MLLT10: variants seen among roughly 807,000 people sequenced by gnomAD.
MLLT10 encodes protein AF-10.
In MLLT10, 30 loss-of-function variants were observed where a neutral mutation model predicts 129.1. The observed-to-expected ratio is 0.23, with a 90% CI of 0.17 to 0.32. The LOEUF (loss-of-function observed/expected upper bound fraction) is 0.32. Among genes scored for constraint, MLLT10 ranks in the 10% least tolerant of loss-of-function variants. The probability of loss-of-function intolerance (pLI) is 1.00; values close to 1 mark genes in which losing one functional copy is unlikely to be tolerated. For missense variants in MLLT10, 1,119 were observed against 1,268.3 expected (o/e 0.88, Z 1.79); for synonymous variants, 490 against 446.4 (o/e 1.10, Z -1.23).
At chr10:21,580,389 A>AT (rs113206788) in intron 3 of MLLT10, among the ~76,000 whole-genome samples, 39,381 of 129,604 alleles carry the variant, frequency 0.3, 6,040 homozygotes, top group Middle Eastern at 0.5. Context: ...TATTTTGTGT[A>AT]TTTTTTTTTT....
At chr10:21,612,231 TTTGAG>T in intron 5 of MLLT10, 112 bp from the exon 6 acceptor site, 2 of 547,354 alleles carry the variant, frequency 3.7e-6, no homozygotes, top group Non-Finnish European at 6.4e-6. Context: ...GAATTCATAT[TTTGAG>T]TTAAGATAGG....
At chr10:21,546,986 G>A (rs2036189693) in intron 3 of MLLT10, among the ~76,000 whole-genome samples, 1 of 151,988 alleles carries the variant, frequency 6.6e-6, no homozygotes, top group Non-Finnish European at 1.5e-5. Flanking sequence ...GCGTCCCAAA[G>A]TCCTGGGATT....
rs770389398 is a variant in MLLT10 at position 21,606,523 on chromosome 10, AG to A, written c.406-5823del. The stretch of plus-strand genomic sequence containing the variant: ...AAGAACATTTGTGTTTTGTGGGAGG[AG>A]GTCAAAATATCAACATGAACCGGAG... On this transcript the variant is annotated intron_variant, in intron 5 of 22. Transcript: ENST00000307729. Among the ~76,000 whole-genome samples, 227 of 152,148 alleles carry A rather than the reference AG, an allele frequency of 1.5e-3. 1 individual carries two copies. Among genetic ancestry groups the A allele is most frequent in the Non-Finnish European group, 2.6e-3 (177 of 68,020 alleles).
Position 21,673,936 on chromosome 10 carries a change from T to G in MLLT10, c.1621+17T>G. On this transcript the variant is annotated intron_variant, in intron 11 of 22. Coordinates refer to ENST00000307729, the MANE Select transcript of MLLT10 (RefSeq NM_001195626.3). The stretch of plus-strand genomic sequence containing the variant: ...TTGGTTCAGGTAGGGGTTTGCCTAT[T>G]ATTATTTTTCTCCTTCACTCCCACC... The G allele has an allele frequency of 6.5e-7, 1 of 1,536,120 alleles. No homozygotes were observed.
At chr10:21,667,415 C>T (rs1389520744) in intron 9 of MLLT10, among the ~76,000 whole-genome samples, 3 of 141,442 alleles carry the variant, frequency 2.1e-5, no homozygotes, top group South Asian at 4.4e-4. Flanking sequence ...ATTATTTCTT[C>T]AGTTTTGTGG....
intron 21 of MLLT10, among the ~76,000 whole-genome samples, chr10:21,738,201 A>T (rs1250218372): frequency 1.3e-5 from 2 of 152,008 alleles, no homozygotes; most frequent in Non-Finnish European, 2.9e-5. Context: ...CAGGAGGTGT[A>T]GGTTGCAGTG....
At chr10:21,683,326 A>G (rs995318474) in intron 13 of MLLT10, among the ~76,000 whole-genome samples, 4 of 152,180 alleles carry the variant, frequency 2.6e-5, no homozygotes, top group Non-Finnish European at 5.9e-5. Flanking sequence ...AATACTCTTG[A>G]TAACAAGGAG....
intron 21 of MLLT10, among the ~76,000 whole-genome samples, chr10:21,739,521 AT>A (rs2058658307): frequency 6.6e-6 from 1 of 152,158 alleles, no homozygotes; most frequent in South Asian, 2.1e-4. Flanking sequence ...TAACGTTTTC[AT>A]TTATTTCCCT....
At chr10:21,660,707 C>G (rs774967927) in intron 9 of MLLT10, among the ~76,000 whole-genome samples, 5 of 149,216 alleles carry the variant, frequency 3.4e-5, no homozygotes, top group African/African-American at 4.9e-5. Flanking sequence ...AGCCCCGTAT[C>G]TACTAAAAAT....
At chr10:21,690,149 T>A (rs1170118400) in intron 13 of MLLT10, among the ~76,000 whole-genome samples, 1 of 151,766 alleles carries the variant, frequency 6.6e-6, no homozygotes, top group Admixed American at 6.6e-5. Flanking sequence ...CAGAAAGAGG[T>A]TGAATCAGGT....
At chr10:21,681,096 A>G (rs1333106349) in intron 11 of MLLT10, among the ~76,000 whole-genome samples, 1 of 152,172 alleles carries the variant, frequency 6.6e-6, no homozygotes, top group African/African-American at 2.4e-5. Flanking sequence ...CACTCTTTGT[A>G]ATAACACAGA....
chr10:21,650,171 C>T (rs747094176), intron 8 of MLLT10, among the ~76,000 whole-genome samples: 8 of 151,826 alleles, frequency 5.3e-5, no homozygotes, highest in Admixed American at 1.3e-4. Context: ...CACCACTGCA[C>T]TCTCAAAAAT....
intron 3 of MLLT10, among the ~76,000 whole-genome samples, chr10:21,555,991 T>C (rs576307061): frequency 1.1e-4 from 16 of 151,384 alleles, no homozygotes; most frequent in South Asian, 4.2e-4. Flanking sequence ...CTTTTTTTTT[T>C]TGGACACGGA....
intron 3 of MLLT10, among the ~76,000 whole-genome samples, chr10:21,554,476 A>G (rs900250632): frequency 6.9e-6 from 1 of 144,808 alleles, no homozygotes; most frequent in Admixed American, 6.9e-5. Flanking sequence ...TTTTTTTGAG[A>G]TGGAGTCTTG....
chr10:21,554,844 CAG>C (rs2037663026), intron 3 of MLLT10, among the ~76,000 whole-genome samples: 2 of 149,254 alleles, frequency 1.3e-5, no homozygotes, highest in Admixed American at 1.4e-4. Context: ...TTTTTTTAGA[CAG>C]AGTTTTGCCG....
chr10:21,535,116 C>CGGGGGG (rs1554775666), intron 2 of MLLT10, among the ~76,000 whole-genome samples: 93 of 101,618 alleles, frequency 9.2e-4, no homozygotes, highest in East Asian at 1.8e-3. Context: ...AGATCTGGGC[C>CGGGGGG]GGGGTGGGGG....
intron 4 of MLLT10, among the ~76,000 whole-genome samples, chr10:21,593,935 A>AG (rs2042759894): frequency 7.3e-6 from 1 of 137,652 alleles, no homozygotes; most frequent in Admixed American, 1.0e-4. Flanking sequence ...TTAAAAAAAA[A>AG]AAAAAAAAAA....
At chr10:21,647,618 A>G (rs2131311449) in intron 8 of MLLT10, among the ~76,000 whole-genome samples, 1 of 151,054 alleles carries the variant, frequency 6.6e-6, no homozygotes, top group Middle Eastern at 3.4e-3. Flanking sequence ...TGGTCACTAT[A>G]TAGGAGAAAA....
intron 8 of MLLT10, chr10:21,625,250 A>C (rs558099711): frequency 8.2e-7 from 1 of 1,218,338 alleles, no homozygotes; most frequent in South Asian, 1.2e-5. Flanking sequence ...GGCTAAGACT[A>C]TTTCAAGTTC....
Sources: gnomAD v4.1 joint callset for allele counts (sites outside exome capture counted in the v4.1 genomes callset) on GRCh38, gnomAD v4.1.1 for gene constraint, MANE v1.5 for transcripts, NCBI Gene and HGNC (gene_info 2026-07-23, HGNC 2026-07-21) for gene names.